Variants in KCNH1 observed in about 807,000 individuals in gnomAD.
The protein encoded by KCNH1 is voltage-gated delayed rectifier potassium channel KCNH1.
KCNH1 carries 27 observed loss-of-function variants against 69.2 expected under a neutral mutation model. The observed-to-expected ratio is 0.39, with a 90% CI of 0.29 to 0.54. KCNH1 has a LOEUF of 0.54. KCNH1 is among the 20% of genes least tolerant of loss of function. KCNH1 has a pLI of 0.68. For missense variants in KCNH1, 798 were observed against 1,261.6 expected (o/e 0.63, Z 5.57); for synonymous variants, 456 against 487.7 (o/e 0.93, Z 0.86).
At chr1:210,861,210 A>G (rs549584462) in intron 7 of KCNH1, 40 of 973,182 alleles carry the variant, frequency 4.1e-5, no homozygotes, top group Non-Finnish European at 5.7e-5. Context: ...TAACACATCA[A>G]TGGAAAAATA....
At chr1:210,856,486 A>G (rs552155818) in intron 7 of KCNH1, among the ~76,000 whole-genome samples, 1 of 152,026 alleles carries the variant, frequency 6.6e-6, no homozygotes, top group Admixed American at 6.6e-5. Context: ...GCAAGATGAA[A>G]CATTAAAGCT....
chr1:210,993,870 T>G lies in KCNH1; in HGVS notation c.1032+24913A>C, dbSNP rs532123320. On this transcript the variant is annotated intron_variant, in intron 6 of 10. Coordinates refer to ENST00000271751, the MANE Select transcript of KCNH1 (RefSeq NM_172362.3). ...ACTAGCTGTGTGCTTCCTGACAAAG[T>G]CACCAACCTCTATGTGTCTCTGACT... 2.0e-5 allele frequency among the ~76,000 whole-genome samples: 3 copies of G among 152,104 alleles called. No individual in the cohort carries two copies. In the East Asian group the frequency reaches 5.8e-4, roughly 29 times the overall value.
chr1:210,791,671 C>T (rs996935415), intron 9 of KCNH1, among the ~76,000 whole-genome samples: 11 of 152,178 alleles, frequency 7.2e-5, no homozygotes, highest in East Asian at 5.8e-4. Flanking sequence ...AAGGTACCCA[C>T]GTTACTTATT....
Position 211,123,297 on chromosome 1 carries a change from C to T in KCNH1, c.79+10570G>A, listed in dbSNP as rs546197622. Among the ~76,000 whole-genome samples, 31 of 152,340 alleles carry T rather than the reference C, an allele frequency of 2.0e-4. 1 individual carries two copies. In the East Asian group the frequency reaches 4.8e-3, roughly 24 times the overall value. ...ATAAGATTCTCTCCCCAGAACAAAACTCAGACACTAAAGCTGAGAGATCTG... is the reference window on the plus strand; with the variant it reads ...ATAAGATTCTCTCCCCAGAACAAAATTCAGACACTAAAGCTGAGAGATCTG... On this transcript the variant is annotated intron_variant, in intron 1 of 10. Transcript: ENST00000271751.
chr1:210,947,686 G>A (rs1020870993), intron 6 of KCNH1, among the ~76,000 whole-genome samples: 2 of 152,014 alleles, frequency 1.3e-5, no homozygotes, highest in South Asian at 4.2e-4. Flanking sequence ...AGAAGAACTG[G>A]GAACAGCCTA....
chr1:210,846,503 G>T (rs1229893655), intron 7 of KCNH1, among the ~76,000 whole-genome samples: 1 of 152,172 alleles, frequency 6.6e-6, no homozygotes, highest in African/African-American at 2.4e-5. Context: ...TTAATAAATG[G>T]TGCTGGGAAA....
chr1:210,831,650 T>C (rs967116668), intron 7 of KCNH1, among the ~76,000 whole-genome samples: 9 of 152,292 alleles, frequency 5.9e-5, no homozygotes, highest in African/African-American at 1.7e-4. Context: ...GCATTCCTAA[T>C]AGGGTAACCA....
chr1:211,114,683 T>C (rs192146254), intron 1 of KCNH1, among the ~76,000 whole-genome samples: 10 of 152,280 alleles, frequency 6.6e-5, no homozygotes, highest in African/African-American at 2.2e-4. Context: ...AGAGCTAAAG[T>C]GACGCGACAC....
At chr1:210,948,411 T>C (rs983506438) in intron 6 of KCNH1, among the ~76,000 whole-genome samples, 3 of 152,070 alleles carry the variant, frequency 2.0e-5, no homozygotes, top group African/African-American at 7.2e-5. Context: ...TGAAAAATCA[T>C]TGAGTTAAGG....
At chr1:211,060,548 G>C (rs1385680382) in intron 5 of KCNH1, among the ~76,000 whole-genome samples, 1 of 150,906 alleles carries the variant, frequency 6.6e-6, no homozygotes, top group Non-Finnish European at 1.5e-5. Context: ...ATAAAAGCTG[G>C]TTTTTTGAAA....
chr1:211,059,751 AAGAGTGAG>A (rs1270910918), intron 5 of KCNH1, among the ~76,000 whole-genome samples: 2 of 149,120 alleles, frequency 1.3e-5, no homozygotes, highest in Admixed American at 6.7e-5. Context: ...TCAAGAAAAA[AAGAGTGAG>A]AGAGAGAGAG....
At chr1:210,695,471 A>G (rs965475920) in intron 10 of KCNH1, among the ~76,000 whole-genome samples, 6 of 152,274 alleles carry the variant, frequency 3.9e-5, no homozygotes, top group African/African-American at 1.4e-4. Flanking sequence ...ACTGTGTTCA[A>G]TTTTAGCACC....
At chr1:210,971,628 C>A (rs950006055) in intron 6 of KCNH1, among the ~76,000 whole-genome samples, 3 of 152,106 alleles carry the variant, frequency 2.0e-5, no homozygotes, top group African/African-American at 7.2e-5. Context: ...CTCTTCCTAA[C>A]AGATATTCAG....
At chr1:210,797,939 A>G (rs1684351516) in intron 8 of KCNH1, among the ~76,000 whole-genome samples, 179 bp from the exon 9 acceptor site, 1 of 152,146 alleles carries the variant, frequency 6.6e-6, no homozygotes, top group African/African-American at 2.4e-5. Flanking sequence ...TCTAAAAAAA[A>G]TCTGTGCTGA....
chr1:210,957,362 A>G (rs376612299), intron 6 of KCNH1, among the ~76,000 whole-genome samples: 33 of 152,224 alleles, frequency 2.2e-4, no homozygotes, highest in African/African-American at 6.5e-4. Flanking sequence ...AAAAAGTGCG[A>G]TGTGGTTCTG....
intron 10 of KCNH1, among the ~76,000 whole-genome samples, chr1:210,700,791 G>T (rs1229854197): frequency 1.3e-5 from 2 of 152,080 alleles, no homozygotes; most frequent in Non-Finnish European, 1.5e-5. Context: ...GTTGGCTCAG[G>T]TTATAGTTTG....
intron 6 of KCNH1, among the ~76,000 whole-genome samples, chr1:210,987,216 C>G (rs1688856953): frequency 1.3e-5 from 2 of 152,088 alleles, no homozygotes; most frequent in Non-Finnish European, 2.9e-5. Flanking sequence ...AACTTCTTTG[C>G]CGTGGGTTTG....
At chr1:210,964,350 C>T (rs537585080) in intron 6 of KCNH1, among the ~76,000 whole-genome samples, 72 of 152,042 alleles carry the variant, frequency 4.7e-4, no homozygotes, top group Non-Finnish European at 8.8e-4. Context: ...ATTGTAAAGA[C>T]CATTGACACT....
chr1:210,682,986 C>A lies in KCNH1; in HGVS notation c.*295G>T. On this transcript the variant is annotated 3_prime_UTR_variant, in exon 11 of 11. Transcript: ENST00000271751. Reference sequence around the variant, plus strand: ...GGTAGTTTTAATCTTTTACAAATATCATGGTAGTAAAAAATTAAAAATGAA... The same window carrying A: ...GGTAGTTTTAATCTTTTACAAATATAATGGTAGTAAAAAATTAAAAATGAA... 2.8e-6 allele frequency: 1 copy of A among 360,174 alleles called. No individual in the cohort carries two copies. Among genetic ancestry groups the A allele is most frequent in the South Asian group, 3.4e-5 (1 of 29,132 alleles). The allele number at this position is 360,174 out of a possible 1,614,324, so 22.3% of individuals were successfully genotyped here.
Sources: gnomAD v4.1 joint callset for allele counts (sites outside exome capture counted in the v4.1 genomes callset) on GRCh38, gnomAD v4.1.1 for gene constraint, MANE v1.5 for transcripts, NCBI Gene and HGNC (gene_info 2026-07-23, HGNC 2026-07-21) for gene names.